Variants in DNAH3 observed in about 807,000 individuals in gnomAD.
DNAH3 encodes dynein axonemal heavy chain 3.
A neutral mutation model predicts 432.5 loss-of-function variants in DNAH3; 332 were observed. That is an observed-to-expected ratio of 0.77 (90% CI 0.70 to 0.84). DNAH3 has a LOEUF of 0.84. DNAH3 is among the 40% of genes least tolerant of loss of function. The pLI is 0.00. For missense variants in DNAH3, 4,861 were observed against 5,114.0 expected (o/e 0.95, Z 1.51); for synonymous variants, 1,956 against 1,900.2 (o/e 1.03, Z -0.76).
intron 13 of DNAH3, 57 bp downstream of exon 13, chr16:21,111,936 T>C (rs1420017824): frequency 7.7e-6 from 12 of 1,558,168 alleles, no homozygotes; most frequent in South Asian, 3.4e-5. Flanking sequence ...TAACTGCTCA[T>C]TGGATTGTCT....
At chr16:21,145,464 A>G in intron 2 of DNAH3, 58 bp from the exon 4 acceptor site, 1 of 1,463,334 alleles carries the variant, frequency 6.8e-7, no homozygotes, top group South Asian at 1.2e-5. Flanking sequence ...GATGAGCCTG[A>G]GCTCTGCTCA....
chr16:21,081,796 T>A lies in DNAH3; in HGVS notation c.2878-69A>T, dbSNP rs937323435. 5 of 1,311,390 alleles carry A rather than the reference T, an allele frequency of 3.8e-6. No homozygotes were observed. The African/African-American group carries it at 7.3e-5, about 19-fold the overall frequency. The allele number at this position is 1,311,390 out of a possible 1,614,324, so 81.2% of individuals were successfully genotyped here. A position where few individuals can be genotyped will look rare whatever the true frequency, so the allele number is the denominator to read the frequency against. ...TGCTGTCCAGTAGAACCTTCTGTGA[T>A]GATGGAGATGTTCTTTTTATCTGCA... is the stretch of plus-strand genomic sequence containing the variant. On this transcript the variant is annotated intron_variant, in intron 19 of 61. Coordinates refer to ENST00000261383, the Ensembl canonical transcript of DNAH3.
rs749472067 is a variant in DNAH3 at position 21,027,106 on chromosome 16, T to C, written c.5461A>G (p.Ile1821Val). 9 of 1,613,496 alleles carry C rather than the reference T, an allele frequency of 5.6e-6. No homozygotes were observed. In the Admixed American group the frequency reaches 1.2e-4, roughly 21 times the overall value. The change falls in exon 38 of 62, where the codon ATT (isoleucine) becomes GTT (valine). Residue 1821 changes from isoleucine (I) to valine (V), a missense_variant. Coordinates refer to ENST00000261383, the Ensembl canonical transcript of DNAH3. ...CTCATCTTGGAGTTCATCTGGATAA[T>C]TTCCCCACTCATGAGACACAGCTAA...
In DNAH3 at chr16:21,030,934, G is replaced by C. The variant is rs1322832401; in HGVS notation, c.5439+111C>G. ...GGGGCATTTATTCTTAATGTATACA[G>C]AATACATACATAATAAATGTATGTC... On this transcript the variant is annotated intron_variant, in intron 37 of 61. Coordinates refer to ENST00000261383, the Ensembl canonical transcript of DNAH3. 4 of 1,113,984 alleles carry C rather than the reference G, an allele frequency of 3.6e-6. No homozygotes were observed. The South Asian group carries it at 4.4e-5, about 12-fold the overall frequency. 69.0% of individuals were successfully genotyped at this position (1,113,984 alleles called of 1,614,324 possible). A position where few individuals can be genotyped will look rare whatever the true frequency, so the allele number is the denominator to read the frequency against.
intron 14 of DNAH3, among the ~76,000 whole-genome samples, chr16:21,107,160 T>C (rs986220369): frequency 3.9e-5 from 6 of 151,916 alleles, no homozygotes; most frequent in Admixed American, 1.3e-4. Context: ...AGAACCTAGA[T>C]TTAGACCAAA....
At chr16:21,131,370 G>GAGGA (rs200848913) in intron 7 of DNAH3, among the ~76,000 whole-genome samples, 1,559 of 150,004 alleles carry the variant, frequency 0.01, 43 homozygotes, top group East Asian at 0.1. Flanking sequence ...CAGGGTCACA[G>GAGGA]AGGAAGGAAG....
intron 21 of DNAH3, among the ~76,000 whole-genome samples, chr16:21,071,816 G>A (rs2090794123): frequency 6.6e-6 from 1 of 151,938 alleles, no homozygotes; most frequent in African/African-American, 2.4e-5. Flanking sequence ...AATCTGCTGG[G>A]GAGGAAGATT....
chr16:20,985,398 T>C (rs1159716845), exon 48 of DNAH3: 1 of 1,614,088 alleles, frequency 6.2e-7, no homozygotes, highest in Non-Finnish European at 8.5e-7. Context: ...CGTTCATGAA[T>C]GTGGACAGTT....
At chr16:21,121,584 CTT>C (rs397956825) in intron 10 of DNAH3, among the ~76,000 whole-genome samples, 1 of 138,652 alleles carries the variant, frequency 7.2e-6, no homozygotes. Context: ...CAAAGTAGGT[CTT>C]TTTTTTTTTT....
At chr16:21,053,186 A>G (rs1489184411) in intron 28 of DNAH3, among the ~76,000 whole-genome samples, 3 of 152,162 alleles carry the variant, frequency 2.0e-5, no homozygotes, top group Non-Finnish European at 2.9e-5. Context: ...TCTGTGACAG[A>G]GTCTTCTTTA....
chr16:20,985,455 G>T, exon 48 of DNAH3: 1 of 1,614,220 alleles, frequency 6.2e-7, no homozygotes, highest in Non-Finnish European at 8.5e-7. Flanking sequence ...CCAGGAGCAG[G>T]TGGCCTTTGT....
intron 49 of DNAH3, 100 bp from the exon 50 acceptor site, chr16:20,979,646 A>G: frequency 9.8e-7 from 1 of 1,023,390 alleles, no homozygotes; most frequent in East Asian, 2.4e-5. Flanking sequence ...AGGCACATAC[A>G]CTGACTGTGA....
At chr16:20,983,325 C>T (rs55697208) in intron 48 of DNAH3, among the ~76,000 whole-genome samples, 1 of 151,992 alleles carries the variant, frequency 6.6e-6, no homozygotes, top group African/African-American at 2.4e-5. Context: ...GGGGTTTCAC[C>T]ATTTTGGCCA....
At chr16:20,957,687 C>T (rs2152604846) in intron 54 of DNAH3, among the ~76,000 whole-genome samples, 1 of 151,604 alleles carries the variant, frequency 6.6e-6, no homozygotes, top group Non-Finnish European at 1.5e-5. Flanking sequence ...TGGTGCATGC[C>T]TGTAGTAGCC....
At chr16:21,028,137 C>A (rs577521591) in intron 37 of DNAH3, among the ~76,000 whole-genome samples, 1 of 152,190 alleles carries the variant, frequency 6.6e-6, no homozygotes, top group Non-Finnish European at 1.5e-5. Flanking sequence ...CAGGTGTGTA[C>A]CTTCACACGT....
chr16:21,125,406 T>G, intron 8 of DNAH3, 36 bp from the exon 10 acceptor site: 106 of 1,516,270 alleles, frequency 7.0e-5, no homozygotes, highest in Non-Finnish European at 8.5e-5. Context: ...TGAGAAGCTC[T>G]TCTGGGCTCC....
chr16:21,105,296 T>C (rs945602826), intron 15 of DNAH3, among the ~76,000 whole-genome samples: 1 of 152,202 alleles, frequency 6.6e-6, no homozygotes, highest in East Asian at 1.9e-4. Flanking sequence ...TATTTTCAGA[T>C]AGAAAATGGC....
chr16:21,019,561 T>C, intron 41 of DNAH3, 63 bp downstream of exon 41: 4 of 1,584,454 alleles, frequency 2.5e-6, no homozygotes, highest in Non-Finnish European at 3.4e-6. Context: ...CACATTCTGG[T>C]TGTGTTTAGA....
chr16:21,119,518 T>C (rs1353675844), intron 11 of DNAH3, among the ~76,000 whole-genome samples: 3 of 151,654 alleles, frequency 2.0e-5, no homozygotes, highest in East Asian at 1.9e-4. Flanking sequence ...TTATCCCAGC[T>C]ACTTGGGAGG....
Sources: allele counts gnomAD v4.1 joint callset (sites outside exome capture counted in the v4.1 genomes callset), GRCh38; gene constraint gnomAD v4.1.1; transcripts MANE v1.5; gene names NCBI Gene and HGNC (gene_info 2026-07-23, HGNC 2026-07-21).